FBXL4: variants seen among roughly 807,000 people sequenced by gnomAD.
FBXL4 encodes F-box and leucine rich repeat protein 4.
FBXL4 carries 40 observed loss-of-function variants against 58.9 expected under a neutral mutation model. The observed-to-expected ratio is 0.68, with a 90% CI of 0.53 to 0.88. FBXL4 has a LOEUF of 0.88. Ranked by LOEUF, FBXL4 falls within the 40% of genes least tolerant of loss-of-function variation. FBXL4 has a pLI of 0.00. For missense variants in FBXL4, 676 were observed against 734.4 expected (o/e 0.92, Z 0.92); for synonymous variants, 263 against 265.5 (o/e 0.99, Z 0.09).
intron 6 of FBXL4, among the ~76,000 whole-genome samples, chr6:98,900,166 T>C (rs1333242418): frequency 6.6e-6 from 1 of 152,196 alleles, no homozygotes; most frequent in Non-Finnish European, 1.5e-5. Context: ...TATGTTATAG[T>C]TGGGGGAAAA....
At position 98,899,313 on chromosome 6, in the gene FBXL4, C is replaced by G. The variant is rs1464905400; in HGVS notation, c.1272G>C (p.Lys424Asn). 1.9e-6 allele frequency: 3 copies of G among 1,614,014 alleles called. No individual in the cohort carries two copies. Among genetic ancestry groups the G allele is most frequent in the Non-Finnish European group, 2.5e-6 (3 of 1,179,952 alleles). ...LPPQAFNHIA[K>N]LCSLKRLVLY... The stretch of plus-strand genomic sequence containing the variant: ...GAACAAGTCGTTTAAGGCTGCATAA[C>G]TTGGCAATGTGGTTGAAAGCTTGAG... The change falls in exon 7 of 10, where the codon AAG (lysine) becomes AAC (asparagine). Residue 424 changes from lysine (K) to asparagine (N), a missense_variant. Coordinates refer to ENST00000369244, the MANE Select transcript of FBXL4 (RefSeq NM_001278716.2).
chr6:98,878,397 G>A (rs72627751), intron 8 of FBXL4, among the ~76,000 whole-genome samples: 3,214 of 152,036 alleles, frequency 0.021, 176 homozygotes, highest in East Asian at 0.19. Flanking sequence ...GCTGGAGTGC[G>A]GTGGTATAAC....
intron 5 of FBXL4, among the ~76,000 whole-genome samples, chr6:98,907,040 T>C (rs955930598): frequency 7.9e-5 from 12 of 152,236 alleles, no homozygotes; most frequent in Non-Finnish European, 1.3e-4. Context: ...TAAATTTGTT[T>C]AACTTCTTTG....
chr6:98,895,061 A>G (rs982303682), intron 7 of FBXL4, among the ~76,000 whole-genome samples: 3 of 152,214 alleles, frequency 2.0e-5, no homozygotes, highest in Non-Finnish European at 4.4e-5. Context: ...ACTTAAGAAT[A>G]CATCACCTAG....
Position 98,872,290 on chromosome 6 carries a change from A to G in FBXL4, c.*1988T>C, listed in dbSNP as rs1249217273. On this transcript the variant is annotated 3_prime_UTR_variant, in exon 10 of 10. Coordinates refer to ENST00000369244, the MANE Select transcript of FBXL4 (RefSeq NM_001278716.2). ...AGCTGCAATGTAATAACATGCTAAA[A>G]GGAAAATATCCAGAGAAGAAGTAAC... 7 of 152,250 alleles carry G rather than the reference A, an allele frequency of 4.6e-5. No homozygotes were observed. 9.4% of individuals were successfully genotyped at this position (152,250 alleles called of 1,614,324 possible).
chr6:98,884,544 C>T (rs1305168731), intron 7 of FBXL4, among the ~76,000 whole-genome samples: 2 of 152,148 alleles, frequency 1.3e-5, no homozygotes, highest in African/African-American at 2.4e-5. Flanking sequence ...TTATGAGTCT[C>T]TTACTTGATA....
chr6:98,896,868 ATCT>A, intron 7 of FBXL4: 2 of 985,168 alleles, frequency 2.0e-6, no homozygotes, highest in South Asian at 4.7e-5. Context: ...CAGATATGAA[ATCT>A]TCTTAATCCT....
intron 4 of FBXL4, among the ~76,000 whole-genome samples, chr6:98,919,510 G>A (rs1009310016): frequency 6.6e-6 from 1 of 152,026 alleles, no homozygotes; most frequent in Non-Finnish European, 1.5e-5. Flanking sequence ...AATAGAGCAG[G>A]CTGTGGCAGG....
At chr6:98,913,085 A>G (rs1386979546) in intron 5 of FBXL4, among the ~76,000 whole-genome samples, 2 of 152,206 alleles carry the variant, frequency 1.3e-5, no homozygotes, top group African/African-American at 4.8e-5. Flanking sequence ...AAAGAAGGCC[A>G]TTACACAATG....
At chr6:98,922,198 T>C (rs1434431111) in intron 4 of FBXL4, among the ~76,000 whole-genome samples, 1 of 152,142 alleles carries the variant, frequency 6.6e-6, no homozygotes, top group Non-Finnish European at 1.5e-5. Context: ...AGTGCTGGGA[T>C]TACAGGCGTG....
intron 7 of FBXL4, among the ~76,000 whole-genome samples, chr6:98,887,117 T>A (rs897900886): frequency 3.3e-5 from 5 of 152,030 alleles, no homozygotes; most frequent in South Asian, 2.1e-4. Context: ...ATAAAAAAAA[T>A]TAGCCAGGAA....
At chr6:98,896,787 TTTAA>T (rs1333201732) in intron 7 of FBXL4, 1 of 961,552 alleles carries the variant, frequency 1.0e-6, no homozygotes, top group African/African-American at 1.8e-5. Context: ...TACATCTGTA[TTTAA>T]GTAACTGAGG....
In FBXL4 at chr6:98,941,429, T is replaced by A. The variant is rs1773427626; in HGVS notation, c.-309+6377A>T. 2.0e-5 allele frequency among the ~76,000 whole-genome samples: 3 copies of A among 152,078 alleles called. No individual in the cohort carries two copies. The South Asian group carries it at 6.2e-4, about 32-fold the overall frequency. Reference sequence around the variant, plus strand: ...GGGAAGAAAGAGAAATTGACTAAAGTAACCACAAAGGGGCCACACAAGGAA... The same window carrying A: ...GGGAAGAAAGAGAAATTGACTAAAGAAACCACAAAGGGGCCACACAAGGAA... On this transcript the variant is annotated intron_variant, in intron 1 of 9. Coordinates refer to ENST00000369244, the MANE Select transcript of FBXL4 (RefSeq NM_001278716.2).
In FBXL4 at chr6:98,927,799, T is replaced by C. The variant is rs2128406336; in HGVS notation, c.-167A>G. 1 of 152,350 alleles carries C rather than the reference T, an allele frequency of 6.6e-6. No homozygotes were observed. Among genetic ancestry groups the C allele is most frequent in the Admixed American group, 6.5e-5 (1 of 15,310 alleles). The allele number at this position is 152,350 out of a possible 1,614,324, so 9.4% of individuals were successfully genotyped here. On this transcript the variant is annotated 5_prime_UTR_variant, in exon 3 of 10. Coordinates refer to ENST00000369244, the MANE Select transcript of FBXL4 (RefSeq NM_001278716.2). ...TTTGCATGCTGACTTCAGGTACAAA[T>C]GCTGACATGTGACATTCTTTTACCT...
intron 4 of FBXL4, among the ~76,000 whole-genome samples, chr6:98,921,649 T>C (rs141520741): frequency 1.3e-5 from 2 of 152,278 alleles, no homozygotes; most frequent in African/African-American, 2.4e-5. Flanking sequence ...TCATGTTTCT[T>C]GGCCCACATG....
intron 6 of FBXL4, among the ~76,000 whole-genome samples, chr6:98,902,941 C>A (rs1771666620): frequency 6.6e-6 from 1 of 151,950 alleles, no homozygotes; most frequent in Non-Finnish European, 1.5e-5. Flanking sequence ...CTCTTTATTC[C>A]AATGCAACCT....
chr6:98,928,464 G>C (rs565482894), intron 2 of FBXL4, among the ~76,000 whole-genome samples: 8 of 152,098 alleles, frequency 5.3e-5, no homozygotes, highest in African/African-American at 1.4e-4. Flanking sequence ...GAGTAGCTGG[G>C]ACTACAGGCA....
chr6:98,914,213 T>C (rs1345063717), intron 5 of FBXL4, among the ~76,000 whole-genome samples: 2 of 152,158 alleles, frequency 1.3e-5, no homozygotes, highest in African/African-American at 4.8e-5. Context: ...CCACATGGAT[T>C]CACAGCCGAA....
chr6:98,884,406 T>C (rs195848), intron 7 of FBXL4, among the ~76,000 whole-genome samples: 24,305 of 152,012 alleles, frequency 0.16, 2,257 homozygotes, highest in African/African-American at 0.26. Context: ...CCTCAATCTT[T>C]TTTTAAAATA....
Sources: allele counts gnomAD v4.1 joint callset (sites outside exome capture counted in the v4.1 genomes callset), GRCh38; gene constraint gnomAD v4.1.1; transcripts MANE v1.5; gene names NCBI Gene and HGNC (gene_info 2026-07-23, HGNC 2026-07-21).